Variants in CCDC141 observed in about 807,000 individuals in gnomAD.
CCDC141 encodes the protein coiled-coil domain-containing protein 141.
Under a neutral mutation model 181.0 loss-of-function variants are expected in CCDC141, and 168 were observed. The observed-to-expected ratio is 0.93, with a 90% CI of 0.82 to 1.05. CCDC141 has a LOEUF of 1.05. CCDC141 is among the 50% of genes least tolerant of loss of function. CCDC141 has a pLI of 0.00. For missense variants in CCDC141, 1,902 were observed against 1,788.5 expected (o/e 1.06, Z -1.14); for synonymous variants, 666 against 642.3 (o/e 1.04, Z -0.56).
chr2:178,964,784 T>C (rs575948178), intron 4 of CCDC141, among the ~76,000 whole-genome samples: 133 of 152,334 alleles, frequency 8.7e-4, no homozygotes, highest in Non-Finnish European at 1.4e-3. Context: ...TGTCTAGATA[T>C]ACTGTGACCT....
At chr2:178,893,149 T>C (rs1244554851) in intron 8 of CCDC141, among the ~76,000 whole-genome samples, 1 of 151,936 alleles carries the variant, frequency 6.6e-6, no homozygotes, top group African/African-American at 2.4e-5. Flanking sequence ...TGTTAGAAAC[T>C]CCAAATGAGA....
At chr2:178,999,080 G>C (rs1038058259) in intron 2 of CCDC141, among the ~76,000 whole-genome samples, 1 of 152,078 alleles carries the variant, frequency 6.6e-6, no homozygotes, top group African/African-American at 2.4e-5. Context: ...GTGAACACAT[G>C]AGCTCTTAAA....
chr2:178,947,581 G>A (rs1689784329), intron 5 of CCDC141, among the ~76,000 whole-genome samples: 1 of 152,198 alleles, frequency 6.6e-6, no homozygotes, highest in Non-Finnish European at 1.5e-5. Flanking sequence ...ACTCAGCAGA[G>A]GAGTGAGGCA....
intron 5 of CCDC141, among the ~76,000 whole-genome samples, chr2:178,953,179 A>T (rs1464662359): frequency 6.6e-6 from 1 of 152,148 alleles, no homozygotes; most frequent in African/African-American, 2.4e-5. Flanking sequence ...GCTCACGCCT[A>T]TAATCCCAGC....
chr2:179,012,895 G>A (rs930407145), intron 2 of CCDC141, among the ~76,000 whole-genome samples: 4 of 152,018 alleles, frequency 2.6e-5, no homozygotes, highest in African/African-American at 9.7e-5. Context: ...TGCAGAAAAA[G>A]CACTCAACAA....
chr2:179,048,480 T>C (rs2043572493), intron 1 of CCDC141, among the ~76,000 whole-genome samples: 1 of 152,198 alleles, frequency 6.6e-6, no homozygotes, highest in Admixed American at 6.5e-5. Flanking sequence ...TCAATCTACC[T>C]CTGATTCTTC....
At chr2:179,006,416 A>G (rs982115862) in intron 2 of CCDC141, among the ~76,000 whole-genome samples, 1 of 152,188 alleles carries the variant, frequency 6.6e-6, no homozygotes, top group Non-Finnish European at 1.5e-5. Flanking sequence ...GAAAGTGTTC[A>G]GAGAGTGGTT....
intron 16 of CCDC141, among the ~76,000 whole-genome samples, chr2:178,867,809 G>T (rs1685918743): frequency 6.6e-6 from 1 of 151,998 alleles, no homozygotes; most frequent in Non-Finnish European, 1.5e-5. Flanking sequence ...TTTTTTTCAT[G>T]AAAATAGAGG....
At chr2:179,026,097 C>T (rs2042835642) in intron 2 of CCDC141, among the ~76,000 whole-genome samples, 1 of 152,106 alleles carries the variant, frequency 6.6e-6, no homozygotes, top group East Asian at 1.9e-4. Context: ...AAATAAAATC[C>T]CATTTTCTGA....
intron 21 of CCDC141, among the ~76,000 whole-genome samples, chr2:178,849,336 CA>C (rs1357978768): frequency 6.6e-6 from 1 of 152,204 alleles, no homozygotes; most frequent in Non-Finnish European, 1.5e-5. Flanking sequence ...CCCAAGGTCA[CA>C]AATCCAATTA....
chr2:178,998,656 A>T (rs1469332539), intron 2 of CCDC141, among the ~76,000 whole-genome samples: 2 of 151,384 alleles, frequency 1.3e-5, no homozygotes, highest in South Asian at 2.1e-4. Context: ...GTCCATTAAA[A>T]TTTTTTTTTC....
chr2:178,926,624 C>T (rs1219430731), intron 6 of CCDC141: 1 of 152,142 alleles, frequency 6.6e-6, no homozygotes, highest in Non-Finnish European at 1.5e-5. Flanking sequence ...CGCATTTCTT[C>T]CTACTTTCTT....
chr2:178,989,681 C>A (rs900613249), intron 2 of CCDC141, among the ~76,000 whole-genome samples: 1 of 149,616 alleles, frequency 6.7e-6, no homozygotes, highest in Non-Finnish European at 1.5e-5. Context: ...ATAAAATGGG[C>A]AACGGACTTG....
chr2:178,920,716 AC>A (rs1263003006), intron 6 of CCDC141, among the ~76,000 whole-genome samples: 1 of 151,898 alleles, frequency 6.6e-6, no homozygotes, highest in Non-Finnish European at 1.5e-5. Context: ...ACACACACAC[AC>A]ACACACACAC....
At chr2:179,010,004 C>A (rs1424252460) in intron 2 of CCDC141, among the ~76,000 whole-genome samples, 1 of 152,004 alleles carries the variant, frequency 6.6e-6, no homozygotes, top group African/African-American at 2.4e-5. Flanking sequence ...AATGTGAAAT[C>A]CTCTGGAAAG....
rs1313237142 is a variant in CCDC141 at position 178,837,101 on chromosome 2, C to T, written c.4118G>A (p.Arg1373Lys). The part of the protein sequence containing the change: ...HASSDAFSGL[R>K]FQSGTSRGYQ... Reference sequence around the variant, plus strand: ...GCCCCTGCTGGTGCCTGATTGAAACCTGAGGCCCGAGAATGCATCAGAGGA... The same window carrying T: ...GCCCCTGCTGGTGCCTGATTGAAACTTGAGGCCCGAGAATGCATCAGAGGA... Residue 1373 changes from arginine to lysine, a missense_variant, in exon 23 of 24, where the codon AGG (arginine) becomes AAG (lysine). By Grantham distance (26) the Arg-to-Lys change is conservative (BLOSUM62 2). Transcript: ENST00000443758. 1.9e-6 allele frequency: 3 copies of T among 1,614,004 alleles called. No individual in the cohort carries two copies. Among genetic ancestry groups the T allele is most frequent in the Non-Finnish European group, 2.5e-6 (3 of 1,179,972 alleles).
intron 9 of CCDC141, 73 bp downstream of exon 9, chr2:178,888,454 T>C (rs1185432821): frequency 4.3e-6 from 6 of 1,402,732 alleles, no homozygotes; most frequent in African/African-American, 1.4e-5. Context: ...CCTCCCGCCA[T>C]GCCCACATAC....
intron 2 of CCDC141, among the ~76,000 whole-genome samples, chr2:178,984,018 T>C (rs1691580970): frequency 6.6e-6 from 1 of 151,656 alleles, no homozygotes; most frequent in South Asian, 2.1e-4. Context: ...AATTGTCAGA[T>C]TCACCAAAGT....
chr2:178,976,432 T>C (rs775604338), intron 3 of CCDC141, among the ~76,000 whole-genome samples: 6 of 152,156 alleles, frequency 3.9e-5, no homozygotes, highest in Non-Finnish European at 7.4e-5. Context: ...CCATATGAAA[T>C]CCAATTATAA....
Sources: allele counts gnomAD v4.1 joint callset (sites outside exome capture counted in the v4.1 genomes callset), GRCh38; gene constraint gnomAD v4.1.1; transcripts MANE v1.5; gene names NCBI Gene and HGNC (gene_info 2026-07-23, HGNC 2026-07-21).